Variants in KCND3 observed in about 807,000 individuals in gnomAD.
The protein encoded by KCND3 is potassium voltage-gated channel subfamily D member 3, also known as A-type voltage-gated potassium channel KCND3.
A neutral mutation model predicts 51.1 loss-of-function variants in KCND3; 9 were observed. That is an observed-to-expected ratio of 0.18 (90% CI 0.11 to 0.31). The LOEUF is 0.31. Among genes scored for constraint, KCND3 ranks in the 10% least tolerant of loss-of-function variants. KCND3 has a pLI of 1.00. For missense variants in KCND3, 526 were observed against 903.8 expected (o/e 0.58, Z 5.36); for synonymous variants, 349 against 368.0 (o/e 0.95, Z 0.59).
intron 3 of KCND3, 27 bp downstream of exon 3, chr1:111,786,917 C>T: frequency 1.2e-6 from 2 of 1,613,528 alleles, no homozygotes; most frequent in Non-Finnish European, 1.7e-6. Flanking sequence ...TTTACACTGC[C>T]CCCGCTTCCC....
chr1:111,980,837 G>A (rs970475102), intron 2 of KCND3, among the ~76,000 whole-genome samples: 2 of 152,100 alleles, frequency 1.3e-5, no homozygotes, highest in Non-Finnish European at 2.9e-5. Context: ...GGAGACCTCG[G>A]AGAGACGGAA....
intron 2 of KCND3, among the ~76,000 whole-genome samples, chr1:111,811,207 A>C (rs974360339): frequency 6.6e-6 from 1 of 152,094 alleles, no homozygotes; most frequent in Non-Finnish European, 1.5e-5. Flanking sequence ...TACTTTCCTC[A>C]TCTGCTCAGA....
intron 2 of KCND3, among the ~76,000 whole-genome samples, chr1:111,930,727 T>C (rs182600134): frequency 9.9e-5 from 15 of 152,118 alleles, no homozygotes; most frequent in Middle Eastern, 3.4e-3. Flanking sequence ...AGTAAATGAC[T>C]TAAAAGCCCC....
intron 2 of KCND3, among the ~76,000 whole-genome samples, chr1:111,900,943 G>A (rs1571823542): frequency 6.6e-6 from 1 of 152,184 alleles, no homozygotes; most frequent in Non-Finnish European, 1.5e-5. Context: ...GGCGACAAGA[G>A]TGAAACTCCA....
In KCND3 at chr1:111,982,706, G is replaced by A; in HGVS notation, c.21C>T (p.Ala7=). Residue 7 remains alanine (A), a synonymous_variant, in exon 2 of 8, where the codon GCC becomes GCT. Coordinates refer to ENST00000302127, the MANE Select transcript of KCND3 (RefSeq NM_001378969.1). This position sits in a 1 kb window ranked among gnomAD's most constrained non-coding sequence, Gnocchi z 8.5. ...CCGCAGCCCGGGCAAAAGGCAGCCA[G>A]GCCGCAACTCCGGCCGCCATGGTGA... The part of the protein sequence containing the change: MAAGVA[A]WLPFARAAAI... The A allele has an allele frequency of 1.9e-6, 3 of 1,605,708 alleles. No homozygotes were observed. The highest frequency in any genetic ancestry group is 2.5e-6 in the Non-Finnish European group (3 of 1,179,368).
intron 2 of KCND3, among the ~76,000 whole-genome samples, chr1:111,871,869 G>A (rs1471993526): frequency 1.3e-5 from 2 of 152,154 alleles, no homozygotes; most frequent in Non-Finnish European, 2.9e-5. Context: ...GAGGTCCAAG[G>A]AAAGAAGGGT....
chr1:111,864,651 T>G (rs1668475361), intron 2 of KCND3, among the ~76,000 whole-genome samples: 1 of 152,176 alleles, frequency 6.6e-6, no homozygotes, highest in Non-Finnish European at 1.5e-5. Flanking sequence ...GCTGCACTTT[T>G]GCTCCACTAA....
intron 2 of KCND3, chr1:111,853,923 TATGAGAG>T (rs1667939258): frequency 6.6e-6 from 1 of 152,208 alleles, no homozygotes; most frequent in Admixed American, 6.5e-5. Flanking sequence ...ACACGATAGT[TATGAGAG>T]ATGAGGCTGT....
chr1:111,891,187 G>C (rs1214107344), intron 2 of KCND3, among the ~76,000 whole-genome samples: 2 of 152,136 alleles, frequency 1.3e-5, no homozygotes, highest in Non-Finnish European at 2.9e-5. Flanking sequence ...AAAATCACTT[G>C]GTGTTTGTAA....
intron 2 of KCND3, among the ~76,000 whole-genome samples, chr1:111,880,547 C>A (rs945783625): frequency 6.6e-6 from 1 of 152,134 alleles, no homozygotes; most frequent in African/African-American, 2.4e-5. Flanking sequence ...CTCCAAATGG[C>A]AACAAATAAA....
intron 2 of KCND3, among the ~76,000 whole-genome samples, chr1:111,794,253 A>T (rs561175280): frequency 1.7e-4 from 26 of 152,162 alleles, no homozygotes; most frequent in Non-Finnish European, 3.1e-4. Context: ...AGCTGCACAA[A>T]CCACCTGACT....
intron 2 of KCND3, among the ~76,000 whole-genome samples, chr1:111,956,491 GC>G (rs1673349554): frequency 6.6e-6 from 1 of 152,152 alleles, no homozygotes; most frequent in African/African-American, 2.4e-5. Context: ...AAATAGCCAT[GC>G]CCTATTGATT....
In KCND3 at chr1:111,804,905, C is replaced by T. The variant is rs547753635; in HGVS notation, c.1107-17799G>A. On this transcript the variant is annotated intron_variant, in intron 2 of 7. Transcript: ENST00000302127. Reference sequence around the variant, plus strand: ...CTTGACTGCTGCCCTTCAGTGAGGGCGGATGCTGCATGCAGGACAGACAGC... The same window carrying T: ...CTTGACTGCTGCCCTTCAGTGAGGGTGGATGCTGCATGCAGGACAGACAGC... Among the ~76,000 whole-genome samples, 7 of 152,326 alleles carry T rather than the reference C, an allele frequency of 4.6e-5. No individual in the cohort carries two copies. In the East Asian group the frequency reaches 9.7e-4, roughly 21 times the overall value.
intron 2 of KCND3, among the ~76,000 whole-genome samples, chr1:111,911,770 C>T (rs1471340277): frequency 6.6e-6 from 1 of 152,194 alleles, no homozygotes; most frequent in Admixed American, 6.5e-5. Flanking sequence ...TCTTAAACAA[C>T]TAGAAAGTCA....
At chr1:111,928,530 G>T (rs1475296107) in intron 2 of KCND3, among the ~76,000 whole-genome samples, 1 of 152,232 alleles carries the variant, frequency 6.6e-6, no homozygotes, top group Non-Finnish European at 1.5e-5. Flanking sequence ...ACGGCATCAC[G>T]CAATTGGTGT....
chr1:111,891,081 C>T (rs1669800012), intron 2 of KCND3, among the ~76,000 whole-genome samples: 1 of 152,304 alleles, frequency 6.6e-6, no homozygotes, highest in Admixed American at 6.5e-5. Context: ...CAGCTCTCCA[C>T]TTACTAGCCA....
intron 2 of KCND3, among the ~76,000 whole-genome samples, chr1:111,852,423 G>C (rs546335579): frequency 1.3e-5 from 2 of 152,320 alleles, no homozygotes; most frequent in South Asian, 4.1e-4. Context: ...TGTGCATGCT[G>C]GCAACAGGCG....
chr1:111,799,967 G>A (rs906804560), intron 2 of KCND3, among the ~76,000 whole-genome samples: 3 of 151,994 alleles, frequency 2.0e-5, no homozygotes, highest in East Asian at 1.9e-4. Flanking sequence ...GGAGGTGAGG[G>A]GCGCCTCTGC....
At chr1:111,969,932 G>A (rs1316302254) in intron 2 of KCND3, among the ~76,000 whole-genome samples, 1 of 152,128 alleles carries the variant, frequency 6.6e-6, no homozygotes, top group Non-Finnish European at 1.5e-5. Context: ...CACTCCACAT[G>A]CAAGCTAATG....
Sources: gnomAD v4.1 joint callset for allele counts (sites outside exome capture counted in the v4.1 genomes callset) on GRCh38, gnomAD v4.1.1 for gene constraint, Gnocchi (gnomAD v3.1) non-coding constraint, MANE v1.5 for transcripts, NCBI Gene and HGNC (gene_info 2026-07-23, HGNC 2026-07-21) for gene names.